TRAP1: variants seen among roughly 807,000 people sequenced by gnomAD.
TRAP1 encodes heat shock protein 75 kDa, mitochondrial.
A neutral mutation model predicts 89.1 loss-of-function variants in TRAP1; 102 were observed. The observed-to-expected ratio is 1.15, with a 90% CI of 0.98 to 1.35. TRAP1 has a LOEUF of 1.35. Among genes scored for constraint, TRAP1 ranks in the 40% most tolerant of loss-of-function variants. The pLI is 0.00. For synonymous variants in TRAP1, 508 were observed against 388.0 expected, an observed-to-expected ratio of 1.31 and a Z score of -3.64; for missense variants, 1,256 against 945.3, an observed-to-expected ratio of 1.33 and a Z score of -4.31.
chr16:3,662,196 T>C, intron 15 of TRAP1, 64 bp from the exon 16 acceptor site: 3 of 1,560,738 alleles, frequency 1.9e-6, no homozygotes, highest in South Asian at 1.2e-5. Context: ...TGGCAGGATC[T>C]TACCAGGGGT....
chr16:3,688,271 G>T (rs564779964), intron 3 of TRAP1, among the ~76,000 whole-genome samples: 1 of 151,968 alleles, frequency 6.6e-6, no homozygotes, highest in Non-Finnish European at 1.5e-5. Flanking sequence ...AAAGTGCCGG[G>T]ATTACAGGTG....
chr16:3,717,132 G>T (rs964394462), intron 1 of TRAP1, among the ~76,000 whole-genome samples: 3 of 152,250 alleles, frequency 2.0e-5, no homozygotes, highest in African/African-American at 7.2e-5. Flanking sequence ...GAAGCTCCAG[G>T]AGGGACGACC....
chr16:3,709,313 C>T (rs1167830998), intron 1 of TRAP1, among the ~76,000 whole-genome samples: 3 of 151,554 alleles, frequency 2.0e-5, no homozygotes, highest in Non-Finnish European at 2.9e-5. Context: ...AATGGCTTTA[C>T]GTCCTAGTAA....
chr16:3,658,898 C>G (rs374814523), intron 16 of TRAP1, 33 bp from the exon 17 acceptor site: 85 of 1,611,142 alleles, frequency 5.3e-5, no homozygotes, highest in Non-Finnish European at 7.0e-5. Context: ...AAAAGCAGCT[C>G]AGTACCACGT....
In TRAP1 at chr16:3,705,605, T is replaced by C. The variant is rs73489762; in HGVS notation, c.88+11816A>G. 2.2e-3 allele frequency among the ~76,000 whole-genome samples: 330 copies of C among 152,292 alleles called. 1 individual carries two copies. The highest frequency in any genetic ancestry group is 7.5e-3 in the African/African-American group (310 of 41,562). On this transcript the variant is annotated intron_variant, in intron 1 of 17. Coordinates refer to ENST00000246957, the MANE Select transcript of TRAP1 (RefSeq NM_016292.3). Reference sequence around the variant, plus strand: ...ACATATAGCATGTATCAGCACCTCATTCCTTTTTATAACTGAAGAGCACTC... The same window carrying C: ...ACATATAGCATGTATCAGCACCTCACTCCTTTTTATAACTGAAGAGCACTC...
At chr16:3,694,666 C>A (rs968960584) in intron 1 of TRAP1, among the ~76,000 whole-genome samples, 4 of 152,110 alleles carry the variant, frequency 2.6e-5, no homozygotes, top group Non-Finnish European at 5.9e-5. Flanking sequence ...AAAATAGAGA[C>A]AAGGTTTCTC....
intron 4 of TRAP1, among the ~76,000 whole-genome samples, chr16:3,682,472 T>C (rs2051085419): frequency 6.6e-6 from 1 of 151,754 alleles, no homozygotes; most frequent in African/African-American, 2.4e-5. Context: ...TCACTGCACC[T>C]TCCGCCTCCC....
intron 3 of TRAP1, among the ~76,000 whole-genome samples, chr16:3,686,386 C>T (rs201098303): frequency 1.1e-4 from 17 of 152,142 alleles, no homozygotes; most frequent in African/African-American, 3.9e-4. Flanking sequence ...GCTGCAATCA[C>T]GGCTTATTGC....
In TRAP1 at chr16:3,686,099, G is replaced by A; in HGVS notation, c.368C>T (p.Ala123Val). 6.2e-7 allele frequency: 1 copy of A among 1,614,114 alleles called. No individual in the cohort carries two copies. The highest frequency in any genetic ancestry group is 1.3e-5 in the African/African-American group (1 of 75,032). The change falls in exon 4 of 18, where the codon GCC (alanine) becomes GTC (valine). Residue 123 changes from alanine (A) to valine (V), a missense_variant. Physicochemically the swap from Ala to Val is moderately conservative, Grantham distance 64. Transcript: ENST00000246957. ...IRELISNASD[A>V]LEKLRHKLVS... ...CAGTTTGTGACGCAGTTTTTCCAAGGCATCGCTGGCATTGGAGATCAGCTC... is the reference window on the plus strand; with the variant it reads ...CAGTTTGTGACGCAGTTTTTCCAAGACATCGCTGGCATTGGAGATCAGCTC...
intron 13 of TRAP1, chr16:3,664,005 G>C (rs1410100155): frequency 2.6e-6 from 1 of 391,350 alleles, no homozygotes; most frequent in East Asian, 4.9e-5. Context: ...GGAAGTTGCA[G>C]TGAGCCGAGA....
At chr16:3,682,644 C>A (rs1184891776) in intron 4 of TRAP1, among the ~76,000 whole-genome samples, 1 of 152,106 alleles carries the variant, frequency 6.6e-6, no homozygotes, top group South Asian at 2.1e-4. Flanking sequence ...CTGCCCGCCA[C>A]GGCCTCCCAA....
chr16:3,675,570 AC>A (rs1204128638), intron 7 of TRAP1, among the ~76,000 whole-genome samples, 173 bp from the exon 8 acceptor site: 1 of 152,100 alleles, frequency 6.6e-6, no homozygotes, highest in Non-Finnish European at 1.5e-5. Context: ...CCCCAGTCTC[AC>A]GGGGGCAGCA....
chr16:3,686,076 G>C lies in TRAP1; in HGVS notation c.391C>G (p.Leu131Val), dbSNP rs1026198025. The C allele has an allele frequency of 1.9e-6, 3 of 1,614,126 alleles. No homozygotes were observed. The highest frequency in any genetic ancestry group is 2.7e-5 in the African/African-American group (2 of 75,026). The change falls in exon 4 of 18, where the codon CTG becomes GTG. Residue 131 changes from leucine to valine, a missense_variant. By Grantham distance (32) the Leu-to-Val change is conservative. Transcript: ENST00000246957. Reference sequence around the variant, plus strand: ...GGCAGTGCTTGGCCGTCAGACACCAGTTTGTGACGCAGTTTTTCCAAGGCA... The same window carrying C: ...GGCAGTGCTTGGCCGTCAGACACCACTTTGTGACGCAGTTTTTCCAAGGCA... ...SDALEKLRHK[L>V]VSDGQALPEM...
chr16:3,714,596 G>C (rs769201357), intron 1 of TRAP1, among the ~76,000 whole-genome samples: 1 of 152,154 alleles, frequency 6.6e-6, no homozygotes, highest in Non-Finnish European at 1.5e-5. Flanking sequence ...GAGGCGGAGG[G>C]TGTGGTGAGC....
intron 1 of TRAP1, among the ~76,000 whole-genome samples, chr16:3,705,479 T>C (rs541905728): frequency 1.5e-4 from 23 of 152,284 alleles, no homozygotes; most frequent in African/African-American, 5.5e-4. Context: ...TCTGTCTCTA[T>C]GGATTTGCCT....
chr16:3,711,916 A>G (rs1427209864), intron 1 of TRAP1, among the ~76,000 whole-genome samples: 1 of 152,196 alleles, frequency 6.6e-6, no homozygotes, highest in African/African-American at 2.4e-5. Context: ...AACGCCATCC[A>G]TGAACATTCT....
intron 11 of TRAP1, among the ~76,000 whole-genome samples, chr16:3,668,181 CA>C (rs2050862680): frequency 6.6e-6 from 1 of 151,990 alleles, no homozygotes; most frequent in South Asian, 2.1e-4. Context: ...CTCGGCCTCC[CA>C]AAGTGCTGGG....
intron 1 of TRAP1, among the ~76,000 whole-genome samples, chr16:3,716,047 G>C (rs747598431): frequency 1.5e-4 from 23 of 152,202 alleles, no homozygotes; most frequent in Non-Finnish European, 3.1e-4. Flanking sequence ...ATTTTTAGTA[G>C]AGACAGGGTT....
Position 3,661,807 on chromosome 16 carries a change from G to A in TRAP1, c.1940+180C>T, listed in dbSNP as rs1596683954. The A allele has an allele frequency of 5.6e-6, 4 of 707,982 alleles. No homozygotes were observed. In the East Asian group the frequency reaches 1.3e-4, roughly 24 times the overall value. 43.9% of individuals were successfully genotyped at this position (707,982 alleles called of 1,614,324 possible). ...CAGGTGACACCTGGGGATGGTAAGG[G>A]GCTGGCCAGGTTCCATTTCACATGG... On this transcript the variant is annotated intron_variant, in intron 16 of 17. Transcript: ENST00000246957.
Sources: allele counts gnomAD v4.1 joint callset (sites outside exome capture counted in the v4.1 genomes callset), GRCh38; gene constraint gnomAD v4.1.1; transcripts MANE v1.5; gene names NCBI Gene and HGNC (gene_info 2026-07-23, HGNC 2026-07-21).